ABCA7: variants seen among roughly 807,000 people sequenced by gnomAD.
ABCA7 encodes phospholipid-transporting ATPase ABCA7.
ABCA7 carries 261 observed loss-of-function variants against 227.6 expected under a neutral mutation model. That is an observed-to-expected ratio of 1.15 (90% CI 1.04 to 1.27). The LOEUF (loss-of-function observed/expected upper bound fraction) is 1.27, where lower values mean the gene tolerates loss of function less well. Ranked by LOEUF, ABCA7 falls within the 50% of genes most tolerant of loss-of-function variation. The pLI is 0.00. For synonymous variants in ABCA7, 1,488 were observed against 1,279.7 expected (o/e 1.16, Z -3.47); for missense variants, 3,331 against 2,924.5 (o/e 1.14, Z -3.21).
At chr19:1,055,497 CT>C (rs2042168459) in intron 30 of ABCA7, 146 bp downstream of exon 30, 8 of 775,226 alleles carry the variant, frequency 1.0e-5, no homozygotes, top group African/African-American at 2.1e-5. Flanking sequence ...CCTTCCTTTC[CT>C]CTTTTTTTTT....
In ABCA7 at chr19:1,065,208, G is replaced by A. The variant is rs758689952; in HGVS notation, c.6285+37G>A. 11 of 1,598,702 alleles carry A rather than the reference G, an allele frequency of 6.9e-6. No homozygotes were observed. The Admixed American group carries it at 1.4e-4, about 20-fold the overall frequency. Reference sequence around the variant, plus strand: ...GCCGGGGTCGGGCTGGGGGAGGCAGGCTGGGGGCCAGGCCCGTGGGCTGAC... The same window carrying A: ...GCCGGGGTCGGGCTGGGGGAGGCAGACTGGGGGCCAGGCCCGTGGGCTGAC... On this transcript the variant is annotated intron_variant, in intron 46 of 46. Transcript: ENST00000263094.
At chr19:1,046,041 G>A (rs903304762) in intron 12 of ABCA7, among the ~76,000 whole-genome samples, 189 bp from the exon 13 acceptor site, 5 of 152,138 alleles carry the variant, frequency 3.3e-5, no homozygotes, top group African/African-American at 1.2e-4. Flanking sequence ...TTAGCCAGGC[G>A]ACTTGGGAGG....
intron 3 of ABCA7, 92 bp downstream of exon 3, chr19:1,041,695 C>A: frequency 1.3e-6 from 2 of 1,574,842 alleles, no homozygotes; most frequent in Admixed American, 1.7e-5. Context: ...TGTCAGGGAG[C>A]CTTCACCAGG....
rs763532134 is a variant in ABCA7, at chr19:1,054,243, C to T, written c.3628C>T (p.Arg1210Trp). The stretch of plus-strand genomic sequence containing the variant: ...GGGCTCTGGGCCAGACGCCGTGGGC[C>T]GGGTACAGGGCTGGGCACTGACCCG... The part of the protein sequence containing the change: ...DQGSGPDAVG[R>W]VQGWALTRQQ... The change falls in exon 27 of 47, where the codon CGG becomes TGG. Residue 1210 changes from arginine (R) to tryptophan (W), a missense_variant. Coordinates refer to ENST00000263094, the MANE Select transcript of ABCA7 (RefSeq NM_019112.4). The surrounding 1 kb of genome is among the most constrained non-coding windows in gnomAD (Gnocchi z 4.8). 15 of 1,608,148 alleles carry T rather than the reference C, an allele frequency of 9.3e-6. No individual in the cohort carries two copies. The highest frequency in any genetic ancestry group is 4.0e-5 in the African/African-American group (3 of 74,748).
chr19:1,053,460 C>A lies in ABCA7; in HGVS notation c.3352C>A (p.Arg1118=), dbSNP rs766318027. ...TGACGGCAGCTTCGCCACACTCTTC[C>A]GAGAGCTAGACACGCGGCTGGCGGA... is the stretch of plus-strand genomic sequence containing the variant. ...AHDGSFATLF[R]ELDTRLAELR... The change falls in exon 24 of 47, where the codon CGA becomes AGA. Residue 1118 remains arginine (R), a synonymous_variant. Coordinates refer to ENST00000263094, the MANE Select transcript of ABCA7 (RefSeq NM_019112.4). The A allele has an allele frequency of 2.5e-6, 4 of 1,599,338 alleles. No homozygotes were observed. In the African/African-American group the frequency reaches 4.0e-5, roughly 16 times the overall value.
At chr19:1,062,931 G>C (rs112750912) in intron 42 of ABCA7, among the ~76,000 whole-genome samples, 2 of 116,500 alleles carry the variant, frequency 1.7e-5, no homozygotes, top group Non-Finnish European at 3.6e-5. Context: ...ACTCATGCTG[G>C]CTCCACCCAC....
rs1028956739 is a variant in ABCA7, at chr19:1,043,448, C to A, written c.905C>A (p.Pro302His). 9 of 1,613,248 alleles carry A rather than the reference C, an allele frequency of 5.6e-6. No homozygotes were observed. The African/African-American group carries it at 8.0e-5, about 14-fold the overall frequency. The change falls in exon 9 of 47, where the codon CCT becomes CAT. Residue 302 changes from proline to histidine, a missense_variant. Coordinates refer to ENST00000263094, the MANE Select transcript of ABCA7 (RefSeq NM_019112.4). ...AAGCTACTCTTTGCACCAGATACACCTTTTACCCGGAAGCTCATGGCCCAG... is the reference window on the plus strand; with the variant it reads ...AAGCTACTCTTTGCACCAGATACACATTTTACCCGGAAGCTCATGGCCCAG... ...LGKLLFAPDT[P>H]FTRKLMAQVN... is the part of the protein sequence containing the mutation.
chr19:1,046,704 C>T, intron 13 of ABCA7, 98 bp from the exon 14 acceptor site: 2 of 1,315,126 alleles, frequency 1.5e-6, no homozygotes, highest in South Asian at 1.4e-5. Flanking sequence ...ATCTTCCCGC[C>T]TTGAGATCCC....
chr19:1,058,545 G>C, intron 37 of ABCA7, 73 bp from the exon 38 acceptor site: 1 of 1,586,916 alleles, frequency 6.3e-7, no homozygotes, highest in Non-Finnish European at 8.5e-7. Flanking sequence ...TAAGAATCCA[G>C]AGTGACATGG....
Position 1,041,371 on chromosome 19 carries a change from T to C in ABCA7, c.10T>C (p.Trp4Arg). MAF[W>R]TQLMLLLWKN... ...CCTGCCCAGTCTCACCATGGCCTTC[T>C]GGACACAGCTGATGCTGCTGCTCTG... The change falls in exon 2 of 47, where the codon TGG (tryptophan) becomes CGG (arginine). Residue 4 changes from tryptophan to arginine, a missense_variant. Physicochemically the swap from Trp to Arg is moderately radical, Grantham distance 101. Transcript: ENST00000263094. The C allele has an allele frequency of 1.9e-6, 3 of 1,614,046 alleles. No individual in the cohort carries two copies. The highest frequency in any genetic ancestry group is 8.5e-7 in the Non-Finnish European group (1 of 1,180,020).
chr19:1,055,256 G>A lies in ABCA7; in HGVS notation c.4110G>A (p.Gln1370=). 6 of 1,602,942 alleles carry A rather than the reference G, an allele frequency of 3.7e-6. No homozygotes were observed. The highest frequency in any genetic ancestry group is 5.1e-6 in the Non-Finnish European group (6 of 1,175,338). Residue 1370 remains glutamine, a synonymous_variant, in exon 30 of 47, where the codon CAG becomes CAA. Transcript: ENST00000263094. ...PAAAGGPPPP[Q]AVTGSGEVVQ... ...CAGCTGGTGGTCCCCCTCCGCCCCAGGCAGTGACCGGCTCTGGGGAAGTGG... is the reference window on the plus strand; with the variant it reads ...CAGCTGGTGGTCCCCCTCCGCCCCAAGCAGTGACCGGCTCTGGGGAAGTGG...
intron 44 of ABCA7, 110 bp from the exon 45 acceptor site, chr19:1,064,050 TG>T: frequency 7.4e-7 from 1 of 1,342,822 alleles, no homozygotes; most frequent in South Asian, 1.4e-5. Flanking sequence ...TGGGGAAGAG[TG>T]GGGAGATGTC....
intron 10 of ABCA7, 111 bp from the exon 11 acceptor site, chr19:1,044,466 T>C (rs1048456281): frequency 3.0e-6 from 4 of 1,320,456 alleles, no homozygotes; most frequent in Non-Finnish European, 4.1e-6. Flanking sequence ...CAGGCTGGTC[T>C]CGAACTCCTG....
chr19:1,051,716 G>A lies in ABCA7; in HGVS notation c.2962+130G>A, dbSNP rs2041648045. ...CCACTTGTTGCTATGGCATTTAGGG[G>A]CTACTGCTCAAATACCGAGACAGTA... On this transcript the variant is annotated intron_variant, in intron 21 of 46. Coordinates refer to ENST00000263094, the MANE Select transcript of ABCA7 (RefSeq NM_019112.4). The A allele has an allele frequency of 9.4e-6, 10 of 1,066,834 alleles. No homozygotes were observed. The South Asian group carries it at 1.6e-4, about 17-fold the overall frequency. The allele number at this position is 1,066,834 out of a possible 1,614,324, so 66.1% of individuals were successfully genotyped here.
rs1349121852 is a variant in ABCA7, at chr19:1,057,974, C to T, written c.4940C>T (p.Ala1647Val). ...ASFFFSVPSTAYVVLTCINLF... is the reference protein window; with the variant it reads ...ASFFFSVPSTVYVVLTCINLF... ...TTCTTCTTCTCCGTGCCCAGCACAG[C>T]CTATGTGGTGCTCACCTGCATAAAC... Residue 1647 changes from alanine (A) to valine (V), a missense_variant, in exon 36 of 47, where the codon GCC (alanine) becomes GTC (valine). Physicochemically the swap from Ala to Val is moderately conservative, Grantham distance 64. Coordinates refer to ENST00000263094, the MANE Select transcript of ABCA7 (RefSeq NM_019112.4). 2 of 1,613,886 alleles carry T rather than the reference C, an allele frequency of 1.2e-6. No homozygotes were observed. The highest frequency in any genetic ancestry group is 1.7e-6 in the Non-Finnish European group (2 of 1,180,014).
chr19:1,049,284 C>T lies in ABCA7; in HGVS notation c.2399C>T (p.Pro800Leu), dbSNP rs760684352. ...TCTGCAGTGCTGGTAGAAGAGGCAC[C>T]GCCCGGCCTGAGTCCTGGCGTCTCC... ...LDPKVLVEEA[P>L]PGLSPGVSVR... Residue 800 changes from proline to leucine, a missense_variant, in exon 18 of 47, where the codon CCG (proline) becomes CTG (leucine). By Grantham distance (98) the Pro-to-Leu change is moderately conservative (BLOSUM62 -3). Coordinates refer to ENST00000263094, the MANE Select transcript of ABCA7 (RefSeq NM_019112.4). 24 of 1,608,294 alleles carry T rather than the reference C, an allele frequency of 1.5e-5. No individual in the cohort carries two copies. The highest frequency in any genetic ancestry group is 3.3e-4 in the Middle Eastern group (2 of 6,038).
chr19:1,065,105 G>A lies in ABCA7; in HGVS notation c.6219G>A (p.Glu2073=), dbSNP rs750945130. ...GCGCCCTGGCGCGCGTCTTTGGAGAGCTGGCGGTGCACGGCGCAGAGCACG... is the reference window on the plus strand; with the variant it reads ...GCGCCCTGGCGCGCGTCTTTGGAGAACTGGCGGTGCACGGCGCAGAGCACG... ...GRCALARVFG[E]LAVHGAEHGV... The change falls in exon 46 of 47, where the codon GAG becomes GAA. Residue 2073 remains glutamate (E), a synonymous_variant. Transcript: ENST00000263094. 2.5e-6 allele frequency: 4 copies of A among 1,585,190 alleles called. No homozygotes were observed. The Admixed American group carries it at 5.3e-5, about 21-fold the overall frequency.
chr19:1,061,077 G>A (rs889307666), intron 40 of ABCA7, among the ~76,000 whole-genome samples: 2 of 152,046 alleles, frequency 1.3e-5, no homozygotes, highest in Middle Eastern at 3.4e-3. Flanking sequence ...CCCCACCCAC[G>A]GCCTTCCATG....
In ABCA7 at chr19:1,042,722, C is replaced by A. The variant is rs563804623; in HGVS notation, c.499-24C>A. ...CCTAGTGAGTGTTCAAAATCATTGT[C>A]CCCCTTGTGGTCTTTCTCCCCAGGA... On this transcript the variant is annotated intron_variant, in intron 6 of 46. Coordinates refer to ENST00000263094, the MANE Select transcript of ABCA7 (RefSeq NM_019112.4). 52 of 1,610,356 alleles carry A rather than the reference C, an allele frequency of 3.2e-5. No homozygotes were observed. In the East Asian group the frequency reaches 9.8e-4, roughly 30 times the overall value.
Sources: gnomAD v4.1 joint callset for allele counts (sites outside exome capture counted in the v4.1 genomes callset) on GRCh38, gnomAD v4.1.1 for gene constraint, Gnocchi (gnomAD v3.1) non-coding constraint, MANE v1.5 for transcripts, NCBI Gene and HGNC (gene_info 2026-07-23, HGNC 2026-07-21) for gene names.